The following ANO6 variants were observed in gnomAD, a reference collection of about 807,000 sequenced individuals.
ANO6 encodes the protein anoctamin 6, also known as anoctamin-6.
ANO6 carries 106 observed loss-of-function variants against 117.5 expected under a neutral mutation model. That is an observed-to-expected ratio of 0.90 (90% CI 0.77 to 1.06). The LOEUF (loss-of-function observed/expected upper bound fraction) is 1.06, where lower values mean the gene tolerates loss of function less well. Ranked by LOEUF, ANO6 falls within the 50% of genes least tolerant of loss-of-function variation. The pLI, the probability that ANO6 is intolerant of heterozygous loss-of-function variation, is 0.00. For missense variants in ANO6, 955 were observed against 1,121.1 expected (o/e 0.85, Z 2.12); for synonymous variants, 367 against 385.1 (o/e 0.95, Z 0.55).
chr12:45,249,972 A>G (rs989941033), intron 1 of ANO6, among the ~76,000 whole-genome samples: 1 of 152,248 alleles, frequency 6.6e-6, no homozygotes, highest in African/African-American at 2.4e-5. Context: ...TTTCAGGTTC[A>G]TATGGAGCCT....
chr12:45,434,381 C>T (rs1030457215), downstream of ANO6, among the ~76,000 whole-genome samples: 1 of 152,230 alleles, frequency 6.6e-6, no homozygotes, highest in African/African-American at 2.4e-5. Context: ...TGGAAACAAG[C>T]GACAGCACTG....
At chr12:45,217,821 A>G (rs950708162) in intron 1 of ANO6, among the ~76,000 whole-genome samples, 9 of 152,228 alleles carry the variant, frequency 5.9e-5, no homozygotes, top group Non-Finnish European at 8.8e-5. Context: ...TAAAATTGAC[A>G]CAGTCTGTTT....
chr12:45,232,412 G>GA (rs1211020107), intron 1 of ANO6, among the ~76,000 whole-genome samples: 1 of 152,150 alleles, frequency 6.6e-6, no homozygotes, highest in Non-Finnish European at 1.5e-5. Flanking sequence ...TAAAGATCGT[G>GA]AAAAAAGAGA....
At chr12:45,217,899 G>A (rs1022845391) in intron 1 of ANO6, among the ~76,000 whole-genome samples, 1 of 152,180 alleles carries the variant, frequency 6.6e-6, no homozygotes, top group Non-Finnish European at 1.5e-5. Flanking sequence ...AAGTAAATAA[G>A]GGCAGAAGCT....
Position 45,306,591 on chromosome 12 carries a change from T to C in ANO6, c.150+4498T>C, listed in dbSNP as rs563771746. Among the ~76,000 whole-genome samples, 10 of 152,286 alleles carry C rather than the reference T, an allele frequency of 6.6e-5. No homozygotes were observed. The South Asian group carries it at 2.1e-3, about 32-fold the overall frequency. On this transcript the variant is annotated intron_variant, in intron 2 of 19. Coordinates refer to ENST00000320560, the MANE Select transcript of ANO6 (RefSeq NM_001025356.3). ...GAAGATACTACTTTATAGAAAAATA[T>C]TTTTGATTCCCTGAAATTCAATTTT...
At chr12:45,385,753 A>T (rs1298661302) in intron 10 of ANO6, among the ~76,000 whole-genome samples, 9 of 152,226 alleles carry the variant, frequency 5.9e-5, no homozygotes, top group African/African-American at 2.2e-4. Flanking sequence ...GTTGTTTCTC[A>T]GTAGCCATCA....
intron 1 of ANO6, among the ~76,000 whole-genome samples, chr12:45,269,878 A>G (rs1938337862): frequency 6.6e-6 from 1 of 152,166 alleles, no homozygotes; most frequent in African/African-American, 2.4e-5. Flanking sequence ...TTCATTGACC[A>G]TAATAGGGAA....
At chr12:45,269,170 A>G (rs942440787) in intron 1 of ANO6, among the ~76,000 whole-genome samples, 3 of 152,218 alleles carry the variant, frequency 2.0e-5, no homozygotes, top group Non-Finnish European at 2.9e-5. Context: ...AAGCTGTGCC[A>G]TAGTGCAGAT....
In ANO6 at chr12:45,421,385, G is replaced by A. The variant is rs1188914113; in HGVS notation, c.2420+112G>A. 4 of 1,084,580 alleles carry A rather than the reference G, an allele frequency of 3.7e-6. No homozygotes were observed. The Admixed American group carries it at 6.0e-5, about 16-fold the overall frequency. 67.2% of individuals were successfully genotyped at this position (1,084,580 alleles called of 1,614,324 possible). ...AAATTTTTATTTCTTTATAACTTCAGGATCAATCAGGTGCTTTGGTGTCAT... is the reference window on the plus strand; with the variant it reads ...AAATTTTTATTTCTTTATAACTTCAAGATCAATCAGGTGCTTTGGTGTCAT... On this transcript the variant is annotated intron_variant, in intron 18 of 19. Coordinates refer to ENST00000320560, the MANE Select transcript of ANO6 (RefSeq NM_001025356.3).
At chr12:45,298,993 A>C (rs1939390828) in intron 1 of ANO6, among the ~76,000 whole-genome samples, 1 of 152,120 alleles carries the variant, frequency 6.6e-6, no homozygotes, top group Non-Finnish European at 1.5e-5. Flanking sequence ...TAAAAAAAAA[A>C]ACAAAAACCC....
At chr12:45,418,491 A>G (rs1380575434) in intron 17 of ANO6, among the ~76,000 whole-genome samples, 1 of 152,232 alleles carries the variant, frequency 6.6e-6, no homozygotes, top group African/African-American at 2.4e-5. Context: ...AATATGCTCT[A>G]GTACACTAAG....
intron 1 of ANO6, among the ~76,000 whole-genome samples, chr12:45,249,385 C>A (rs1565644749): frequency 6.6e-6 from 1 of 152,054 alleles, no homozygotes. Context: ...GGTATTTATT[C>A]TTTAGATTTC....
chr12:45,403,564 T>TA (rs1372979195), intron 15 of ANO6, 28 bp downstream of exon 15: 20 of 1,573,728 alleles, frequency 1.3e-5, no homozygotes, highest in Non-Finnish European at 1.7e-5. Flanking sequence ...TAGCCATGGG[T>TA]AAAAGGACAA....
chr12:45,400,673 A>C (rs1018267114), intron 12 of ANO6, among the ~76,000 whole-genome samples: 2 of 152,212 alleles, frequency 1.3e-5, no homozygotes, highest in African/African-American at 4.8e-5. Context: ...AAGAGAAGAT[A>C]TTGAAGCCCC....
intron 7 of ANO6, among the ~76,000 whole-genome samples, chr12:45,354,224 C>T (rs929265206): frequency 1.4e-5 from 2 of 145,662 alleles, no homozygotes; most frequent in African/African-American, 5.6e-5. Flanking sequence ...AAAGATCCTG[C>T]TATCCTTTGG....
At chr12:45,238,271 C>G (rs1947680271) in intron 1 of ANO6, among the ~76,000 whole-genome samples, 2 of 151,050 alleles carry the variant, frequency 1.3e-5, no homozygotes, top group Admixed American at 6.6e-5. Context: ...CTGCCTCAGT[C>G]TCCCAAGTAG....
chr12:45,273,860 G>A (rs1938464376), intron 1 of ANO6, among the ~76,000 whole-genome samples: 1 of 152,110 alleles, frequency 6.6e-6, no homozygotes, highest in Admixed American at 6.5e-5. Context: ...GTTACTAAGT[G>A]GTCTGAATAC....
intron 1 of ANO6, among the ~76,000 whole-genome samples, chr12:45,294,340 G>T (rs138131494): frequency 6.6e-6 from 1 of 152,280 alleles, no homozygotes; most frequent in East Asian, 1.9e-4. Context: ...TATAGTACTG[G>T]ACCCTGGCCA....
intron 3 of ANO6, among the ~76,000 whole-genome samples, chr12:45,334,694 T>C (rs981067264): frequency 1.3e-5 from 2 of 152,048 alleles, no homozygotes; most frequent in Non-Finnish European, 2.9e-5. Flanking sequence ...AGCAGGCTTT[T>C]CTTAGTAATA....
Sources: allele counts gnomAD v4.1 joint callset (sites outside exome capture counted in the v4.1 genomes callset), GRCh38; gene constraint gnomAD v4.1.1; transcripts MANE v1.5; gene names NCBI Gene and HGNC (gene_info 2026-07-23, HGNC 2026-07-21).